SCMH1: variants seen among roughly 807,000 people sequenced by gnomAD.
SCMH1 encodes polycomb protein SCMH1.
In SCMH1, 37 loss-of-function variants were observed where a neutral mutation model predicts 70.8. The observed-to-expected ratio is 0.52, with a 90% CI of 0.40 to 0.69. The LOEUF (loss-of-function observed/expected upper bound fraction) is 0.69. Ranked by LOEUF, SCMH1 falls within the 30% of genes least tolerant of loss-of-function variation. The pLI is 0.00. For missense variants in SCMH1, 607 were observed against 827.3 expected, an observed-to-expected ratio of 0.73 and a Z score of 3.27; for synonymous variants, 292 against 307.4, an observed-to-expected ratio of 0.95 and a Z score of 0.52.
intron 1 of SCMH1, among the ~76,000 whole-genome samples, chr1:41,234,569 C>T (rs867529957): frequency 1.2e-4 from 17 of 142,288 alleles, no homozygotes; most frequent in Middle Eastern, 8.1e-3. Flanking sequence ...CCGCCTCCCA[C>T]GTTCAAGCCA....
intron 1 of SCMH1, among the ~76,000 whole-genome samples, chr1:41,214,016 A>G (rs1657596925): frequency 6.6e-6 from 1 of 152,162 alleles, no homozygotes. Context: ...TATTGTTAGC[A>G]TTGTTTTACA....
At chr1:41,191,425 C>T (rs917844705) in intron 1 of SCMH1, among the ~76,000 whole-genome samples, 5 of 152,058 alleles carry the variant, frequency 3.3e-5, no homozygotes, top group African/African-American at 1.2e-4. Context: ...AAAAATAAGT[C>T]CAAGGTTCAC....
chr1:41,159,020 TGAG>T (rs1645801483), intron 4 of SCMH1, among the ~76,000 whole-genome samples: 1 of 152,106 alleles, frequency 6.6e-6, no homozygotes, highest in Non-Finnish European at 1.5e-5. Context: ...CTCAAAAACT[TGAG>T]GAGTTCAAGA....
Position 41,106,167 on chromosome 1 carries a change from G to A in SCMH1, c.745+7116C>T, listed in dbSNP as rs573618550. 5.6e-4 allele frequency among the ~76,000 whole-genome samples: 85 copies of A among 151,890 alleles called. 1 individual carries two copies. The highest frequency in any genetic ancestry group is 5.0e-3 in the South Asian group (24 of 4,814). Reference sequence around the variant, plus strand: ...TGGGATTACAAGTGTGAGCCACCACGCCCAGCCAATAGTTCTTGATTTAGT... The same window carrying A: ...TGGGATTACAAGTGTGAGCCACCACACCCAGCCAATAGTTCTTGATTTAGT... On this transcript the variant is annotated intron_variant, in intron 8 of 14. Transcript: ENST00000337495.
At chr1:41,166,322 G>C (rs183627634) in intron 2 of SCMH1, among the ~76,000 whole-genome samples, 47 of 152,022 alleles carry the variant, frequency 3.1e-4, no homozygotes, top group Non-Finnish European at 1.2e-4. Flanking sequence ...TGGCTATTTG[G>C]GATCCTTTGT....
intron 8 of SCMH1, among the ~76,000 whole-genome samples, chr1:41,089,543 G>A (rs527667960): frequency 3.8e-4 from 58 of 152,236 alleles, no homozygotes; most frequent in African/African-American, 1.3e-3. Flanking sequence ...TAAGCCTTTT[G>A]AATGGTTTGT....
chr1:41,097,068 T>A (rs1665274230), intron 8 of SCMH1, among the ~76,000 whole-genome samples: 1 of 152,210 alleles, frequency 6.6e-6, no homozygotes, highest in Non-Finnish European at 1.5e-5. Flanking sequence ...AATGGATAAT[T>A]AGTTTAGTGT....
chr1:41,240,995 G>A (rs1287010038), intron 1 of SCMH1, among the ~76,000 whole-genome samples: 1 of 152,164 alleles, frequency 6.6e-6, no homozygotes, highest in African/African-American at 2.4e-5. Flanking sequence ...AGACTCAGGG[G>A]ACATGATTAC....
chr1:41,164,690 CAG>C (rs1371133207), intron 2 of SCMH1, among the ~76,000 whole-genome samples: 1 of 152,082 alleles, frequency 6.6e-6, no homozygotes, highest in Non-Finnish European at 1.5e-5. Flanking sequence ...CTGCAGGTCC[CAG>C]AGTCTCTCAT....
At chr1:41,212,167 T>C (rs1657171886) in intron 1 of SCMH1, among the ~76,000 whole-genome samples, 1 of 151,996 alleles carries the variant, frequency 6.6e-6, no homozygotes, top group Admixed American at 6.6e-5. Flanking sequence ...TATAAATAAA[T>C]AAATACGAAA....
At position 41,160,911 on chromosome 1, in the gene SCMH1, A is replaced by G; in HGVS notation, c.83-13T>C. On this transcript the variant is annotated splice_polypyrimidine_tract_variant and intron_variant, in intron 3 of 14. Coordinates refer to ENST00000337495, the Ensembl canonical transcript of SCMH1. ...ATGTCAGCAGCTTCTAGTAAAGAAA[A>G]AAATGTTGGAGCATAAGTCATTAAG... The G allele has an allele frequency of 3.2e-6, 5 of 1,550,008 alleles. No homozygotes were observed. The highest frequency in any genetic ancestry group is 4.4e-6 in the Non-Finnish European group (5 of 1,146,468).
chr1:41,181,606 C>A (rs189737156), intron 2 of SCMH1, among the ~76,000 whole-genome samples: 1 of 152,326 alleles, frequency 6.6e-6, no homozygotes, highest in Non-Finnish European at 1.5e-5. Flanking sequence ...AAATGCTCAT[C>A]ATCACTGGCC....
At chr1:41,028,361 A>C in intron 14 of SCMH1, 42 bp from the exon 16 acceptor site, 1 of 1,609,836 alleles carries the variant, frequency 6.2e-7, no homozygotes, top group Non-Finnish European at 8.5e-7. Context: ...GGGAGGCACC[A>C]TCAGAGTCCT....
At chr1:41,148,272 T>C (rs1301864754) in intron 5 of SCMH1, among the ~76,000 whole-genome samples, 5 of 152,356 alleles carry the variant, frequency 3.3e-5, no homozygotes, top group Non-Finnish European at 7.4e-5. Context: ...TCTACACAAT[T>C]ATCTTTTACA....
chr1:41,098,367 T>A (rs1665661653), intron 8 of SCMH1, among the ~76,000 whole-genome samples: 1 of 152,194 alleles, frequency 6.6e-6, no homozygotes, highest in Non-Finnish European at 1.5e-5. Flanking sequence ...AATAACAGCA[T>A]TAAAATAGAA....
intron 8 of SCMH1, among the ~76,000 whole-genome samples, chr1:41,089,028 C>T (rs1662556977): frequency 6.6e-6 from 1 of 152,066 alleles, no homozygotes; most frequent in African/African-American, 2.4e-5. Context: ...ATTGCTGAGC[C>T]CCAGCCTCTG....
At chr1:41,158,075 T>G (rs1179257973) in intron 4 of SCMH1, among the ~76,000 whole-genome samples, 2 of 152,166 alleles carry the variant, frequency 1.3e-5, no homozygotes, top group African/African-American at 4.8e-5. Flanking sequence ...AATCTGAGTT[T>G]AAATGATTAC....
chr1:41,156,187 A>G (rs1222610941), intron 4 of SCMH1, among the ~76,000 whole-genome samples: 1 of 152,094 alleles, frequency 6.6e-6, no homozygotes, highest in Non-Finnish European at 1.5e-5. Context: ...TATGTCCCAA[A>G]TCCCTCAACT....
intron 10 of SCMH1, among the ~76,000 whole-genome samples, chr1:41,060,462 G>GGA (rs1558534810): frequency 1.6e-5 from 2 of 124,858 alleles, no homozygotes. Flanking sequence ...ATGTGAGGGA[G>GGA]AAAAAAAAAA....
Sources: allele counts gnomAD v4.1 joint callset (sites outside exome capture counted in the v4.1 genomes callset), GRCh38; gene constraint gnomAD v4.1.1; transcripts MANE v1.5; gene names NCBI Gene and HGNC (gene_info 2026-07-23, HGNC 2026-07-21).